Variants in RANBP17 observed in about 807,000 individuals in gnomAD.
The protein encoded by RANBP17 is RAN binding protein 17, also known as ran-binding protein 17.
A neutral mutation model predicts 141.2 loss-of-function variants in RANBP17; 158 were observed. The ratio of observed to expected loss-of-function variants is 1.12; its 90% CI spans 0.98 to 1.28. The LOEUF is 1.28. Ranked by LOEUF, RANBP17 falls within the 50% of genes most tolerant of loss-of-function variation. RANBP17 has a pLI of 0.00. For missense variants in RANBP17, 1,438 were observed against 1,290.7 expected, an observed-to-expected ratio of 1.11 and a Z score of -1.75; for synonymous variants, 430 against 450.0, an observed-to-expected ratio of 0.96 and a Z score of 0.56.
intron 16 of RANBP17, among the ~76,000 whole-genome samples, chr5:171,172,702 G>A (rs1760185700): frequency 6.6e-6 from 1 of 151,616 alleles, no homozygotes; most frequent in Non-Finnish European, 1.5e-5. Flanking sequence ...TATATCTATT[G>A]TTTAGATTTA....
intron 24 of RANBP17, among the ~76,000 whole-genome samples, chr5:171,257,968 G>A (rs562334819): frequency 6.6e-6 from 1 of 152,046 alleles, no homozygotes; most frequent in African/African-American, 2.4e-5. Flanking sequence ...AGCCGGAGAT[G>A]GTGGCACATG....
intron 1 of RANBP17, among the ~76,000 whole-genome samples, chr5:170,876,740 G>T (rs1285814127): frequency 6.6e-6 from 1 of 152,078 alleles, no homozygotes; most frequent in Non-Finnish European, 1.5e-5. Context: ...TCTCATTTTG[G>T]TGTTACTTGT....
chr5:171,142,671 T>A (rs1757785374), intron 14 of RANBP17, among the ~76,000 whole-genome samples: 1 of 152,234 alleles, frequency 6.6e-6, no homozygotes, highest in African/African-American at 2.4e-5. Context: ...GAAGCCTGTC[T>A]CTGTATTTGT....
At chr5:171,028,979 C>A in intron 14 of RANBP17, 2 of 1,280,950 alleles carry the variant, frequency 1.6e-6, no homozygotes, top group Non-Finnish European at 2.0e-6. Context: ...GGATCACAGT[C>A]TAAGGTCCAG....
At chr5:170,962,052 A>G (rs1426832330) in intron 13 of RANBP17, among the ~76,000 whole-genome samples, 1 of 152,222 alleles carries the variant, frequency 6.6e-6, no homozygotes, top group Non-Finnish European at 1.5e-5. Context: ...CAGACCACAG[A>G]GTGCTTGTGG....
chr5:170,958,029 A>G (rs1179579213), intron 13 of RANBP17, among the ~76,000 whole-genome samples: 1 of 152,172 alleles, frequency 6.6e-6, no homozygotes, highest in African/African-American at 2.4e-5. Context: ...AGAACCAACT[A>G]TGTAAGGTGG....
At chr5:170,876,220 C>T (rs972414121) in intron 1 of RANBP17, among the ~76,000 whole-genome samples, 1 of 151,664 alleles carries the variant, frequency 6.6e-6, no homozygotes, top group African/African-American at 2.4e-5. Flanking sequence ...GCCAATGTAC[C>T]ACCTTGCTCT....
chr5:171,252,986 G>A lies in RANBP17; in HGVS notation c.2776+10166G>A. The A allele has an allele frequency of 1.5e-6, 2 of 1,339,312 alleles. 1 individual carries two copies. The highest frequency in any genetic ancestry group is 3.4e-5 in the Admixed American group (2 of 59,328). The allele number at this position is 1,339,312 out of a possible 1,614,324, so 83.0% of individuals were successfully genotyped here. A position where few individuals can be genotyped will look rare whatever the true frequency, so the allele number is the denominator to read the frequency against. ...ATCCTTTTCTATCAGTCTCGGGATT[G>A]AGGGGGAACCGTGATGAAGAGATAC... On this transcript the variant is annotated intron_variant, in intron 24 of 27. Coordinates refer to ENST00000523189, the MANE Select transcript of RANBP17 (RefSeq NM_022897.5).
intron 14 of RANBP17, among the ~76,000 whole-genome samples, chr5:171,115,202 A>G (rs907389113): frequency 2.1e-4 from 32 of 152,198 alleles, no homozygotes; most frequent in Non-Finnish European, 3.2e-4. Context: ...TAAAAATAGC[A>G]TCTTTTTTGT....
chr5:171,189,032 T>C lies in RANBP17; in HGVS notation c.2038+5602T>C, dbSNP rs1042591309. On this transcript the variant is annotated intron_variant, in intron 18 of 27. Coordinates refer to ENST00000523189, the MANE Select transcript of RANBP17 (RefSeq NM_022897.5). ...CTTTGAAATACTTAACCCATAACAG[T>C]ATAAAGAATAAATTCACATTTTTAG... 4.6e-5 allele frequency among the ~76,000 whole-genome samples: 7 copies of C among 152,302 alleles called. No individual in the cohort carries two copies. The East Asian group carries it at 1.3e-3, about 29-fold the overall frequency.
intron 14 of RANBP17, among the ~76,000 whole-genome samples, chr5:171,130,462 G>A (rs1258122374): frequency 1.7e-5 from 2 of 117,452 alleles, no homozygotes; most frequent in Non-Finnish European, 3.4e-5. Flanking sequence ...TTGAGACGGA[G>A]TTTCGCTCTT....
At chr5:171,230,582 G>A (rs1183228605) in intron 22 of RANBP17, among the ~76,000 whole-genome samples, 2 of 152,038 alleles carry the variant, frequency 1.3e-5, no homozygotes, top group Non-Finnish European at 2.9e-5. Flanking sequence ...CCAACATGGC[G>A]AAACCCCATC....
chr5:171,140,460 T>C (rs542634671), intron 14 of RANBP17, among the ~76,000 whole-genome samples: 1 of 152,322 alleles, frequency 6.6e-6, no homozygotes, highest in African/African-American at 2.4e-5. Flanking sequence ...ACTGAGTACA[T>C]ATACCCAACA....
chr5:170,926,706 A>AC (rs1278394172), intron 12 of RANBP17, among the ~76,000 whole-genome samples: 8 of 151,736 alleles, frequency 5.3e-5, no homozygotes, highest in Non-Finnish European at 8.8e-5. Flanking sequence ...GCAAAAATTA[A>AC]AAAACTTAAA....
chr5:171,171,156 T>C (rs758141622), intron 15 of RANBP17, 50 bp from the exon 16 acceptor site: 1 of 1,007,692 alleles, frequency 9.9e-7, no homozygotes, highest in Non-Finnish European at 1.5e-6. Flanking sequence ...TGGTTCTCCT[T>C]AGACAAGCAA....
At chr5:171,136,256 G>A (rs980256293) in intron 14 of RANBP17, among the ~76,000 whole-genome samples, 23 of 152,062 alleles carry the variant, frequency 1.5e-4, no homozygotes, top group East Asian at 1.2e-3. Context: ...ATTCAAACAT[G>A]AGAATGCCAA....
At chr5:171,092,942 A>G (rs1786411872) in intron 14 of RANBP17, among the ~76,000 whole-genome samples, 1 of 152,218 alleles carries the variant, frequency 6.6e-6, no homozygotes, top group African/African-American at 2.4e-5. Context: ...GAAAGCACTC[A>G]TCTATATTTA....
rs536542780 is a variant in RANBP17 at position 170,991,184 on chromosome 5, TA to T, written c.1710+22808del. ...GGAGATGAAAATTATTAAGTAGCTTTATTTTTTTGAAGATTTTACAGCAGCT... is the reference window on the plus strand; with the variant it reads ...GGAGATGAAAATTATTAAGTAGCTTTTTTTTTTGAAGATTTTACAGCAGCT... On this transcript the variant is annotated intron_variant, in intron 14 of 27. Transcript: ENST00000523189. Among the ~76,000 whole-genome samples, 146 of 152,106 alleles carry T rather than the reference TA, an allele frequency of 9.6e-4. 1 individual carries two copies. Among genetic ancestry groups the T allele is most frequent in the African/African-American group, 3.4e-3 (141 of 41,546 alleles).
intron 12 of RANBP17, among the ~76,000 whole-genome samples, chr5:170,951,880 C>T (rs535974426): frequency 6.6e-6 from 1 of 151,902 alleles, no homozygotes; most frequent in Admixed American, 6.6e-5. Context: ...AGACTGACAG[C>T]CAAGAACCAA....
Sources: gnomAD v4.1 joint callset for allele counts (sites outside exome capture counted in the v4.1 genomes callset) on GRCh38, gnomAD v4.1.1 for gene constraint, MANE v1.5 for transcripts, NCBI Gene and HGNC (gene_info 2026-07-23, HGNC 2026-07-21) for gene names.